The following LRRTM4 variants were observed in gnomAD, a reference collection of about 807,000 sequenced individuals.
The protein encoded by LRRTM4 is leucine-rich repeat transmembrane neuronal protein 4.
LRRTM4 carries 25 observed loss-of-function variants against 47.6 expected under a neutral mutation model. The observed-to-expected ratio is 0.53, with a 90% CI of 0.38 to 0.73. LRRTM4 has a LOEUF of 0.73. Ranked by LOEUF, LRRTM4 falls within the 30% of genes least tolerant of loss-of-function variation. The pLI, the probability that LRRTM4 is intolerant of heterozygous loss-of-function variation, is 0.00. For missense variants in LRRTM4, 638 were observed against 713.4 expected (o/e 0.89, Z 1.20); for synonymous variants, 311 against 269.5 (o/e 1.15, Z -1.51).
intron 3 of LRRTM4, among the ~76,000 whole-genome samples, chr2:77,174,202 G>A (rs1210527053): frequency 1.3e-5 from 2 of 152,072 alleles, no homozygotes; most frequent in Non-Finnish European, 2.9e-5. Flanking sequence ...TCTTATTCTA[G>A]GTAAGGCTCA....
At chr2:76,766,634 T>C (rs947259460) in intron 3 of LRRTM4, among the ~76,000 whole-genome samples, 7 of 152,206 alleles carry the variant, frequency 4.6e-5, no homozygotes, top group Admixed American at 6.5e-5. Flanking sequence ...CCAGTGCCAA[T>C]AGGAGAGGTA....
chr2:77,220,208 G>A (rs992298807), intron 3 of LRRTM4, among the ~76,000 whole-genome samples: 5 of 152,024 alleles, frequency 3.3e-5, no homozygotes, highest in East Asian at 3.9e-4. Context: ...CCATCTGTAC[G>A]TCACTGTCAT....
rs928486367 is a variant in LRRTM4 at position 76,837,984 on chromosome 2, C to T, written c.1552-89068G>A. ...ATAGCATTAGGAGATATACCTAATG[C>T]TAAATGACGAGTTAATGGGTGCAGC... On this transcript the variant is annotated intron_variant, in intron 3 of 3. Coordinates refer to ENST00000409884, the MANE Select transcript of LRRTM4 (RefSeq NM_001134745.3). Among the ~76,000 whole-genome samples the T allele has an allele frequency of 6.6e-5, 10 of 151,454 alleles. No homozygotes were observed. In the East Asian group the frequency reaches 1.9e-3, roughly 29 times the overall value.
chr2:77,041,934 T>C (rs1054963012), intron 3 of LRRTM4, among the ~76,000 whole-genome samples: 10 of 145,076 alleles, frequency 6.9e-5, no homozygotes, highest in African/African-American at 2.3e-4. Flanking sequence ...ATAAAGAGAA[T>C]CATCTGAATA....
At chr2:76,988,583 AAAC>A (rs1246428668) in intron 3 of LRRTM4, among the ~76,000 whole-genome samples, 2 of 151,926 alleles carry the variant, frequency 1.3e-5, no homozygotes, top group African/African-American at 4.8e-5. Flanking sequence ...CCTCAAAAAG[AAAC>A]AATAAAACCT....
At chr2:76,766,283 G>T (rs966144687) in intron 3 of LRRTM4, among the ~76,000 whole-genome samples, 8 of 152,112 alleles carry the variant, frequency 5.3e-5, no homozygotes, top group African/African-American at 1.9e-4. Flanking sequence ...ACATACAATT[G>T]AAATCCAAAC....
chr2:77,374,453 T>C (rs1294864356), intron 3 of LRRTM4, among the ~76,000 whole-genome samples: 4 of 151,774 alleles, frequency 2.6e-5, no homozygotes, highest in Non-Finnish European at 5.9e-5. Context: ...CACAGACAAA[T>C]AAATAAACAC....
intron 3 of LRRTM4, among the ~76,000 whole-genome samples, chr2:77,123,683 T>G (rs1671577721): frequency 6.6e-6 from 1 of 152,126 alleles, no homozygotes; most frequent in Non-Finnish European, 1.5e-5. Flanking sequence ...TTTTATTTCT[T>G]TGCTTTTTAA....
At position 77,478,947 on chromosome 2, in the gene LRRTM4, T is replaced by G. The variant is rs113572369; in HGVS notation, c.1551+39371A>C. 3.3e-3 allele frequency among the ~76,000 whole-genome samples: 501 copies of G among 152,272 alleles called. 3 individuals are homozygous for G. Among genetic ancestry groups the G allele is most frequent in the African/African-American group, 0.011 (473 of 41,570 alleles). On this transcript the variant is annotated intron_variant, in intron 3 of 3. Coordinates refer to ENST00000409884, the MANE Select transcript of LRRTM4 (RefSeq NM_001134745.3). ...TCTCACTCTCTTGCCCAGGTTGGAG[T>G]GCAATGGTGCGATCTAGGCTCACTG...
intron 3 of LRRTM4, among the ~76,000 whole-genome samples, chr2:76,983,410 C>T (rs1461823868): frequency 6.6e-6 from 1 of 151,940 alleles, no homozygotes; most frequent in Non-Finnish European, 1.5e-5. Flanking sequence ...GGCGGTTTCC[C>T]CCATACTGTT....
At chr2:77,193,780 GA>G (rs1166140883) in intron 3 of LRRTM4, among the ~76,000 whole-genome samples, 3 of 151,828 alleles carry the variant, frequency 2.0e-5, no homozygotes, top group East Asian at 3.9e-4. Context: ...TCCATCTCAG[GA>G]AAAAAATATA....
At chr2:77,218,416 A>G (rs954975077) in intron 3 of LRRTM4, among the ~76,000 whole-genome samples, 4 of 152,162 alleles carry the variant, frequency 2.6e-5, no homozygotes, top group African/African-American at 9.7e-5. Flanking sequence ...GGAAGAAACA[A>G]CAAGAGTAGA....
At chr2:77,455,594 C>T (rs1352014524) in intron 3 of LRRTM4, among the ~76,000 whole-genome samples, 4 of 151,938 alleles carry the variant, frequency 2.6e-5, no homozygotes, top group Admixed American at 6.6e-5. Flanking sequence ...TCTCAAACCT[C>T]TTCTTTTCTC....
chr2:77,504,776 T>C (rs1678705266), intron 3 of LRRTM4, among the ~76,000 whole-genome samples: 1 of 102,814 alleles, frequency 9.7e-6, no homozygotes, highest in Non-Finnish European at 2.1e-5. Flanking sequence ...AATATATGAC[T>C]AGAGAAGATG....
At chr2:77,472,270 T>A (rs1421255629) in intron 3 of LRRTM4, among the ~76,000 whole-genome samples, 2 of 152,100 alleles carry the variant, frequency 1.3e-5, no homozygotes, top group Admixed American at 6.6e-5. Context: ...CAGAAATAAG[T>A]TATAGTGCCA....
At chr2:76,757,138 A>G (rs1673060167) in intron 3 of LRRTM4, among the ~76,000 whole-genome samples, 1 of 152,112 alleles carries the variant, frequency 6.6e-6, no homozygotes. Context: ...TAGCAGATTG[A>G]GCACGCAAAA....
In LRRTM4 at chr2:77,521,777, C is replaced by T. The variant is rs1426956687; in HGVS notation, c.-106G>A. 1 of 1,269,706 alleles carries T rather than the reference C, an allele frequency of 7.9e-7. No homozygotes were observed. Among genetic ancestry groups the T allele is most frequent in the Non-Finnish European group, 1.1e-6 (1 of 880,286 alleles). 78.7% of individuals were successfully genotyped at this position (1,269,706 alleles called of 1,614,324 possible). A position where few individuals can be genotyped will look rare whatever the true frequency, so the allele number is the denominator to read the frequency against. On this transcript the variant is annotated 5_prime_UTR_variant, in exon 2 of 4. It adds an upstream start codon to the 5' untranslated region. Coordinates refer to ENST00000409884, the MANE Select transcript of LRRTM4 (RefSeq NM_001134745.3). ...CATGACACAGTGCGGCTGTCATTCA[C>T]ACCATTCTGATCCCGCATGTGAGCT... is the stretch of plus-strand genomic sequence containing the variant.
At chr2:77,346,025 A>G (rs978447388) in intron 3 of LRRTM4, among the ~76,000 whole-genome samples, 2 of 152,042 alleles carry the variant, frequency 1.3e-5, no homozygotes. Context: ...TACTTATAAA[A>G]AAAAGAATAA....
At chr2:77,163,716 A>G (rs960406557) in intron 3 of LRRTM4, among the ~76,000 whole-genome samples, 4 of 152,224 alleles carry the variant, frequency 2.6e-5, no homozygotes, top group Admixed American at 6.5e-5. Context: ...ACTAAGCTTC[A>G]TAAGTGAAGG....
Sources: gnomAD v4.1 joint callset for allele counts (sites outside exome capture counted in the v4.1 genomes callset) on GRCh38, gnomAD v4.1.1 for gene constraint, MANE v1.5 for transcripts, NCBI Gene and HGNC (gene_info 2026-07-23, HGNC 2026-07-21) for gene names.